The following SOAT1 variants were observed in gnomAD, a reference collection of about 807,000 sequenced individuals.
SOAT1 encodes the protein sterol O-acyltransferase 1.
SOAT1 carries 55 observed loss-of-function variants against 69.5 expected under a neutral mutation model. The observed-to-expected ratio is 0.79, with a 90% CI of 0.64 to 0.99. The LOEUF (loss-of-function observed/expected upper bound fraction) is 0.99, where lower values mean the gene tolerates loss of function less well. SOAT1 is among the 50% of genes least tolerant of loss of function. SOAT1 has a pLI of 0.00. For missense variants in SOAT1, 580 were observed against 669.3 expected (o/e 0.87, Z 1.47); for synonymous variants, 231 against 224.7 (o/e 1.03, Z -0.25).
intron 3 of SOAT1, among the ~76,000 whole-genome samples, chr1:179,325,981 T>TA (rs1178206118): frequency 1.3e-5 from 2 of 152,190 alleles, no homozygotes; most frequent in African/African-American, 4.8e-5. Context: ...TAGCTAGTAT[T>TA]AATATGTGTA....
At chr1:179,305,412 TCA>T (rs1489595898) in intron 2 of SOAT1, among the ~76,000 whole-genome samples, 1 of 73,882 alleles carries the variant, frequency 1.4e-5, no homozygotes, top group Non-Finnish European at 3.3e-5. Flanking sequence ...TATCAGTACT[TCA>T]TTTTTTTTTT....
chr1:179,316,430 CTTG>C (rs1364221361), intron 2 of SOAT1, among the ~76,000 whole-genome samples: 1 of 151,956 alleles, frequency 6.6e-6, no homozygotes, highest in Non-Finnish European at 1.5e-5. Context: ...GAGTTTCACT[CTTG>C]TTGCCCAGGC....
chr1:179,320,879 G>A (rs1038268519), intron 2 of SOAT1, among the ~76,000 whole-genome samples: 7 of 150,952 alleles, frequency 4.6e-5, no homozygotes, highest in East Asian at 1.9e-4. Context: ...GACTACAGGC[G>A]CACGCCACCA....
In SOAT1 at chr1:179,302,756, A is replaced by C; in HGVS notation, c.72A>C (p.Glu24Asp). 6.2e-7 allele frequency: 1 copy of C among 1,609,334 alleles called. No individual in the cohort carries two copies. Among genetic ancestry groups the C allele is most frequent in the East Asian group, 2.2e-5 (1 of 44,850 alleles). ...SKSRENPEED[E>D]DQRNPAKESL... is the part of the protein sequence containing the mutation. The stretch of plus-strand genomic sequence containing the variant: ...CCAGGGAAAATCCTGAGGAAGATGA[A>C]GACCAGAGAAACCCTGCAAAGGAGT... Residue 24 changes from glutamate to aspartate, a missense_variant, in exon 2 of 16, where the codon GAA (glutamate) becomes GAC (aspartate). By Grantham distance (45) the Glu-to-Asp change is conservative (BLOSUM62 2). Transcript: ENST00000367619.
chr1:179,321,517 C>T (rs1434981032), intron 2 of SOAT1, among the ~76,000 whole-genome samples: 2 of 152,132 alleles, frequency 1.3e-5, no homozygotes, highest in Non-Finnish European at 2.9e-5. Context: ...GACTGTATAA[C>T]ATAATGATTT....
At chr1:179,318,400 TACC>T (rs1665470338) in intron 2 of SOAT1, among the ~76,000 whole-genome samples, 1 of 152,136 alleles carries the variant, frequency 6.6e-6, no homozygotes, top group Non-Finnish European at 1.5e-5. Context: ...AATACTGTCA[TACC>T]TTTCAAATCC....
At position 179,347,623 on chromosome 1, in the gene SOAT1, T is replaced by C. The variant is rs776497537; in HGVS notation, c.1141T>C (p.Phe381Leu). ...AGGTGTGCTGATTCTCTTCCTTACT[T>C]TTTTTGCCTTTTTGCACTGCTGGCT... ...LPGVLILFLTFFAFLHCWLNA... is the reference protein window; with the variant it reads ...LPGVLILFLTLFAFLHCWLNA... Residue 381 changes from phenylalanine to leucine, a missense_variant, in exon 12 of 16, where the codon TTT becomes CTT. Phe to Leu is a conservative substitution (Grantham distance 22, BLOSUM62 0). Coordinates refer to ENST00000367619, the MANE Select transcript of SOAT1 (RefSeq NM_003101.6). 3 of 1,612,348 alleles carry C rather than the reference T, an allele frequency of 1.9e-6. No homozygotes were observed. In the South Asian group the frequency reaches 3.3e-5, roughly 18 times the overall value.
chr1:179,351,021 C>CTTTTTTTTT (rs201449849), intron 14 of SOAT1, among the ~76,000 whole-genome samples: 15 of 127,540 alleles, frequency 1.2e-4, no homozygotes, highest in African/African-American at 1.4e-4. Context: ...ATATTTCTTT[C>CTTTTTTTTT]TTTTTTTTTT....
intron 2 of SOAT1, among the ~76,000 whole-genome samples, chr1:179,308,041 C>T (rs187822174): frequency 1.5e-3 from 221 of 152,200 alleles, no homozygotes; most frequent in Middle Eastern, 0.01. Flanking sequence ...CCACCCACCT[C>T]GGCCTCCCAA....
intron 3 of SOAT1, among the ~76,000 whole-genome samples, chr1:179,332,126 T>G (rs899405835): frequency 2.0e-5 from 3 of 152,210 alleles, no homozygotes; most frequent in Non-Finnish European, 4.4e-5. Context: ...TACCCATAAA[T>G]GACCCTGACC....
At chr1:179,302,980 G>A (rs1361131512) in intron 2 of SOAT1, among the ~76,000 whole-genome samples, 178 bp downstream of exon 2, 2 of 152,082 alleles carry the variant, frequency 1.3e-5, no homozygotes, top group Non-Finnish European at 2.9e-5. Flanking sequence ...TAATTTGGTG[G>A]TCATCTATTG....
At chr1:179,314,143 A>AAT (rs1665314488) in intron 2 of SOAT1, among the ~76,000 whole-genome samples, 1 of 152,128 alleles carries the variant, frequency 6.6e-6, no homozygotes, top group Admixed American at 6.6e-5. Flanking sequence ...ACTCAGTTCA[A>AAT]ATATTGACTC....
At position 179,354,051 on chromosome 1, in the gene SOAT1, A is replaced by G. The variant is rs920434941; in HGVS notation, c.*410A>G. 9 of 164,932 alleles carry G rather than the reference A, an allele frequency of 5.5e-5. No individual in the cohort carries two copies. The highest frequency in any genetic ancestry group is 2.2e-4 in the African/African-American group (9 of 41,652). 10.2% of individuals were successfully genotyped at this position (164,932 alleles called of 1,614,324 possible). ...GAAATCACTTAAATACCTCTGGCTT[A>G]GAAATTTTTTCATGCACACTGTTGG... On this transcript the variant is annotated 3_prime_UTR_variant, in exon 16 of 16. Coordinates refer to ENST00000367619, the MANE Select transcript of SOAT1 (RefSeq NM_003101.6).
chr1:179,309,654 A>G (rs1665151640), intron 2 of SOAT1, among the ~76,000 whole-genome samples: 1 of 150,014 alleles, frequency 6.7e-6, no homozygotes, highest in Non-Finnish European at 1.5e-5. Flanking sequence ...TTTTTTCTTT[A>G]AAAGCCCTGT....
chr1:179,305,432 T>C (rs1425204193), intron 2 of SOAT1, among the ~76,000 whole-genome samples: 1 of 151,772 alleles, frequency 6.6e-6, no homozygotes, highest in African/African-American at 2.4e-5. Context: ...TTTTTGTGGC[T>C]GAATAATATT....
intron 15 of SOAT1, among the ~76,000 whole-genome samples, chr1:179,353,305 T>G (rs1666811374): frequency 7.2e-6 from 1 of 139,756 alleles, no homozygotes; most frequent in East Asian, 2.4e-4. Flanking sequence ...CAGAAAGAAA[T>G]AGTGCCTATT....
At chr1:179,299,348 G>A (rs1240058550) in intron 1 of SOAT1, among the ~76,000 whole-genome samples, 1 of 152,176 alleles carries the variant, frequency 6.6e-6, no homozygotes, top group Admixed American at 6.5e-5. Context: ...AAGATTAAAT[G>A]TAATGTAAAA....
intron 2 of SOAT1, among the ~76,000 whole-genome samples, chr1:179,319,249 T>G (rs916155001): frequency 6.6e-6 from 1 of 151,034 alleles, no homozygotes; most frequent in Non-Finnish European, 1.5e-5. Context: ...AAAAGAAATA[T>G]CTGTTCAGTT....
chr1:179,341,075 C>T lies in SOAT1; in HGVS notation c.545C>T (p.Pro182Leu), dbSNP rs756545451. 6.2e-7 allele frequency: 1 copy of T among 1,614,114 alleles called. No individual in the cohort carries two copies. The highest frequency in any genetic ancestry group is 8.5e-7 in the Non-Finnish European group (1 of 1,180,008). The change falls in exon 7 of 16, where the codon CCT becomes CTT. Residue 182 changes from proline (P) to leucine (L), a missense_variant. Transcript: ENST00000367619. Reference protein sequence around the residue: ...SLLSYAFGKFPTVVWTWWIMF... With the variant: ...SLLSYAFGKFLTVVWTWWIMF... ...CTGTCTTATGCTTTTGGCAAATTTC[C>T]TACCGTTGTTTGGACCTGGTGGATC...
Sources: gnomAD v4.1 joint callset for allele counts (sites outside exome capture counted in the v4.1 genomes callset) on GRCh38, gnomAD v4.1.1 for gene constraint, MANE v1.5 for transcripts, NCBI Gene and HGNC (gene_info 2026-07-23, HGNC 2026-07-21) for gene names.